Variants in ELMO1 observed in about 807,000 individuals in gnomAD.
The protein encoded by ELMO1 is engulfment and cell motility 1.
Under a neutral mutation model 98.9 loss-of-function variants are expected in ELMO1, and 26 were observed. The observed-to-expected ratio is 0.26, with a 90% CI of 0.19 to 0.36. The LOEUF (loss-of-function observed/expected upper bound fraction) is 0.36. ELMO1 is among the 10% of genes least tolerant of loss of function. The pLI, the probability that ELMO1 is intolerant of heterozygous loss-of-function variation, is 1.00. For missense variants in ELMO1, 627 were observed against 935.2 expected, an observed-to-expected ratio of 0.67 and a Z score of 4.30; for synonymous variants, 346 against 346.0, an observed-to-expected ratio of 1.00 and a Z score of 0.00.
At chr7:37,050,758 C>T (rs1304222631) in intron 15 of ELMO1, among the ~76,000 whole-genome samples, 2 of 144,778 alleles carry the variant, frequency 1.4e-5, no homozygotes, top group African/African-American at 5.2e-5. Flanking sequence ...ACCTTAAATA[C>T]ATACAATTAC....
At chr7:37,278,412 G>C (rs184226824) in intron 4 of ELMO1, among the ~76,000 whole-genome samples, 81 of 152,202 alleles carry the variant, frequency 5.3e-4, no homozygotes, top group African/African-American at 1.9e-3. Context: ...GGGAGGCTGA[G>C]GTGGGATGAT....
chr7:36,884,304 G>A (rs184876822), intron 18 of ELMO1, among the ~76,000 whole-genome samples: 1 of 138,930 alleles, frequency 7.2e-6, no homozygotes, highest in East Asian at 2.1e-4. Flanking sequence ...GTGACAGAGC[G>A]AGACTGTCTC....
chr7:37,403,224 A>G (rs921575129), intron 1 of ELMO1, among the ~76,000 whole-genome samples: 1 of 152,242 alleles, frequency 6.6e-6, no homozygotes, highest in African/African-American at 2.4e-5. Flanking sequence ...TTCCAATTAT[A>G]TAACATTCTA....
At position 37,213,455 on chromosome 7, in the gene ELMO1, A is replaced by G; in HGVS notation, c.834T>C (p.His278=). 6.2e-7 allele frequency: 1 copy of G among 1,610,028 alleles called. No individual in the cohort carries two copies. Among genetic ancestry groups the G allele is most frequent in the Non-Finnish European group, 8.5e-7 (1 of 1,178,880 alleles). Residue 278 remains histidine (H), a splice_region_variant and synonymous_variant, in exon 12 of 22, where the codon CAT becomes CAC. Coordinates refer to ENST00000310758, the MANE Select transcript of ELMO1 (RefSeq NM_014800.11). The stretch of plus-strand genomic sequence containing the variant: ...TGATGGCCCGCTGGGCTCGGATGAC[A>G]TGCTAGGGAGATGGTTCACAAATGA... ...QKQLRSIILT[H]VIRAQRAINN...
intron 13 of ELMO1, among the ~76,000 whole-genome samples, chr7:37,193,303 G>T (rs147421237): frequency 6.6e-6 from 1 of 152,076 alleles, no homozygotes. Flanking sequence ...AGCCCAACCC[G>T]CACAGTGATT....
chr7:36,987,359 A>T (rs1370665266), intron 16 of ELMO1, among the ~76,000 whole-genome samples: 1 of 152,206 alleles, frequency 6.6e-6, no homozygotes, highest in African/African-American at 2.4e-5. Flanking sequence ...GAGGGGGCTC[A>T]TAAGGTGGCA....
In ELMO1 at chr7:36,876,397, C is replaced by CTT. The variant is rs75810029; in HGVS notation, c.1822+1611_1822+1612dup. 3.5e-4 allele frequency among the ~76,000 whole-genome samples: 48 copies of CTT among 138,752 alleles called. 1 individual carries two copies. The South Asian group carries it at 8.3e-3, about 24-fold the overall frequency. 91.0% of individuals were successfully genotyped at this position (138,752 alleles called of 152,430 possible). A position where few individuals can be genotyped will look rare whatever the true frequency, so the allele number is the denominator to read the frequency against. ...ACTTTAGATTTTATTTTTTAATATCCTTTTTTTTTTTTGGCCCAAGTTAAA... is the reference window on the plus strand; with the variant it reads ...ACTTTAGATTTTATTTTTTAATATCCTTTTTTTTTTTTTTGGCCCAAGTTAAA... On this transcript the variant is annotated intron_variant, in intron 19 of 21. Coordinates refer to ENST00000310758, the MANE Select transcript of ELMO1 (RefSeq NM_014800.11).
chr7:37,303,762 A>G (rs1006144963), intron 4 of ELMO1, among the ~76,000 whole-genome samples: 1 of 152,190 alleles, frequency 6.6e-6, no homozygotes, highest in African/African-American at 2.4e-5. Context: ...CATTAGTTTC[A>G]TAGCTGAACT....
intron 16 of ELMO1, among the ~76,000 whole-genome samples, chr7:36,958,830 G>A (rs902813930): frequency 3.3e-5 from 5 of 151,316 alleles, no homozygotes; most frequent in Non-Finnish European, 5.9e-5. Flanking sequence ...CCCCTTCCCT[G>A]TCTCCACTCA....
At chr7:37,292,364 C>T (rs1445701915) in intron 4 of ELMO1, among the ~76,000 whole-genome samples, 2 of 85,160 alleles carry the variant, frequency 2.3e-5, no homozygotes, top group South Asian at 3.9e-4. Flanking sequence ...TCTGCCCGGC[C>T]GCCACCCCGT....
rs56148707 is a variant in ELMO1 at position 37,326,554 on chromosome 7, C to CA, written c.79-10595dup. On this transcript the variant is annotated intron_variant, in intron 2 of 21. Transcript: ENST00000310758. ...TGGGCAACAGAGCAAGACTCCATCT[C>CA]AAAAAAAAAAAAAAAAAAATGAAAG... is the stretch of plus-strand genomic sequence containing the variant. 6.2e-3 allele frequency among the ~76,000 whole-genome samples: 627 copies of CA among 101,944 alleles called. 6 individuals carry two copies. The highest frequency in any genetic ancestry group is 0.013 in the South Asian group (42 of 3,172). 66.9% of individuals were successfully genotyped at this position (101,944 alleles called of 152,430 possible).
intron 1 of ELMO1, among the ~76,000 whole-genome samples, chr7:37,428,179 AAAAGAGAACTAGGTC>A (rs1304747811): frequency 6.6e-6 from 1 of 152,152 alleles, no homozygotes; most frequent in African/African-American, 2.4e-5. Context: ...TATCCCAGTG[AAAAGAGAACTAGGTC>A]AAAGGCACAA....
At chr7:37,109,188 C>T (rs1004622057) in intron 14 of ELMO1, among the ~76,000 whole-genome samples, 21 of 152,108 alleles carry the variant, frequency 1.4e-4, no homozygotes, top group African/African-American at 3.1e-4. Context: ...AGGGACAATG[C>T]GGCCACGTGG....
intron 4 of ELMO1, among the ~76,000 whole-genome samples, chr7:37,306,480 A>G (rs1191052354): frequency 6.6e-6 from 1 of 152,204 alleles, no homozygotes; most frequent in African/African-American, 2.4e-5. Flanking sequence ...TGGGGAGTCC[A>G]TGCCTACAAG....
chr7:37,174,615 T>C (rs971318689), intron 13 of ELMO1, among the ~76,000 whole-genome samples: 3 of 152,162 alleles, frequency 2.0e-5, no homozygotes, highest in African/African-American at 7.2e-5. Flanking sequence ...GTGTCACTCC[T>C]GGCTAGATAT....
intron 15 of ELMO1, among the ~76,000 whole-genome samples, chr7:37,070,768 TG>T (rs1797227312): frequency 6.6e-6 from 1 of 152,216 alleles, no homozygotes; most frequent in African/African-American, 2.4e-5. Context: ...TAACCACACC[TG>T]GATTAATAAA....
At chr7:37,040,994 C>T (rs934500757) in intron 15 of ELMO1, among the ~76,000 whole-genome samples, 1 of 152,084 alleles carries the variant, frequency 6.6e-6, no homozygotes, top group Non-Finnish European at 1.5e-5. Flanking sequence ...GCAGAAGGAT[C>T]GCTTGAACCC....
chr7:37,220,453 T>C (rs2130515113), intron 10 of ELMO1, among the ~76,000 whole-genome samples: 1 of 152,352 alleles, frequency 6.6e-6, no homozygotes, highest in Non-Finnish European at 1.5e-5. Flanking sequence ...CTACTCTTTG[T>C]CATGGTTTAT....
intron 16 of ELMO1, among the ~76,000 whole-genome samples, chr7:36,941,032 T>A (rs1786991553): frequency 6.6e-6 from 1 of 152,228 alleles, no homozygotes; most frequent in Non-Finnish European, 1.5e-5. Flanking sequence ...AGCTCTGCAT[T>A]TTATGAAATA....
Sources: gnomAD v4.1 joint callset for allele counts (sites outside exome capture counted in the v4.1 genomes callset) on GRCh38, gnomAD v4.1.1 for gene constraint, MANE v1.5 for transcripts, NCBI Gene and HGNC (gene_info 2026-07-23, HGNC 2026-07-21) for gene names.